NCALD: variants seen among roughly 807,000 people sequenced by gnomAD.
NCALD encodes the protein neurocalcin-delta.
Under a neutral mutation model 18.6 loss-of-function variants are expected in NCALD, and 10 were observed. That is an observed-to-expected ratio of 0.54 (90% confidence interval 0.33 to 0.91). NCALD has a LOEUF of 0.91. NCALD is among the 40% of genes least tolerant of loss of function. NCALD has a pLI of 0.03. For missense variants in NCALD, 184 were observed against 247.6 expected, an observed-to-expected ratio of 0.74 and a Z score of 1.72; for synonymous variants, 88 against 87.4, an observed-to-expected ratio of 1.01 and a Z score of -0.04.
At chr8:101,950,060 A>C (rs1311482867) in intron 2 of NCALD, among the ~76,000 whole-genome samples, 1 of 152,224 alleles carries the variant, frequency 6.6e-6, no homozygotes, top group Non-Finnish European at 1.5e-5. Context: ...ACGTCAAGAA[A>C]GAGCCAGGTT....
At chr8:101,998,874 A>T (rs1236198975) in intron 2 of NCALD, among the ~76,000 whole-genome samples, 2 of 152,174 alleles carry the variant, frequency 1.3e-5, no homozygotes, top group Non-Finnish European at 2.9e-5. Flanking sequence ...ATGATGAGCA[A>T]ACACAAAAGA....
At chr8:102,082,532 C>G (rs1245575196) in intron 1 of NCALD, among the ~76,000 whole-genome samples, 1 of 152,142 alleles carries the variant, frequency 6.6e-6, no homozygotes, top group Non-Finnish European at 1.5e-5. Flanking sequence ...CCGGCCACCT[C>G]CAACTCCCAT....
At chr8:101,855,826 C>G (rs1563830502) in intron 4 of NCALD, among the ~76,000 whole-genome samples, 1 of 152,172 alleles carries the variant, frequency 6.6e-6, no homozygotes. Context: ...ACAGTGGTGT[C>G]TTAGAAGCTC....
intron 2 of NCALD, among the ~76,000 whole-genome samples, chr8:101,980,523 G>A (rs188385973): frequency 1.3e-5 from 2 of 152,166 alleles, no homozygotes; most frequent in African/African-American, 4.8e-5. Flanking sequence ...GAACAAGAAG[G>A]CAAAGTATCT....
At chr8:101,800,030 G>T (rs781741934) in intron 4 of NCALD, among the ~76,000 whole-genome samples, 1 of 152,060 alleles carries the variant, frequency 6.6e-6, no homozygotes, top group Non-Finnish European at 1.5e-5. Context: ...ATGAAGGTGA[G>T]ATAAAATATT....
chr8:101,819,275 AT>A lies in NCALD; in HGVS notation c.-20+67865del, dbSNP rs1270094264. ...TATAAATACATAACTTTATTTATTT[AT>A]TTATTTATTTATTTATTTATTTATT... On this transcript the variant is annotated intron_variant, in intron 4 of 6. Transcript: ENST00000311028. 1.8e-4 allele frequency among the ~76,000 whole-genome samples: 26 copies of A among 147,748 alleles called. 1 individual carries two copies. The East Asian group carries it at 4.5e-3, about 26-fold the overall frequency.
chr8:101,734,961 GACGTAGAACA>G (rs1343961465), intron 1 of NCALD, among the ~76,000 whole-genome samples: 2 of 152,156 alleles, frequency 1.3e-5, no homozygotes, highest in African/African-American at 4.8e-5. Flanking sequence ...GATAAAAGAG[GACGTAGAACA>G]ACTGTTGCAG....
intron 1 of NCALD, among the ~76,000 whole-genome samples, chr8:102,091,439 TCTGA>T (rs1005930728): frequency 6.6e-6 from 1 of 152,234 alleles, no homozygotes; most frequent in Non-Finnish European, 1.5e-5. Flanking sequence ...ACCAATGATC[TCTGA>T]CTGCTGCTCA....
chr8:101,954,761 A>G (rs143329341), intron 2 of NCALD, among the ~76,000 whole-genome samples: 1 of 152,350 alleles, frequency 6.6e-6, no homozygotes, highest in African/African-American at 2.4e-5. Context: ...AGACTAGTAG[A>G]CTATAACTTA....
At chr8:102,107,195 C>CATTATATAT in intron 1 of NCALD, among the ~76,000 whole-genome samples, 1 of 89,304 alleles carries the variant, frequency 1.1e-5, no homozygotes, top group East Asian at 3.4e-4. Flanking sequence ...TATGTGTGTA[C>CATTATATAT]ATATATATAT....
intron 2 of NCALD, chr8:101,986,418 C>G (rs1820814499): frequency 6.6e-6 from 1 of 152,268 alleles, no homozygotes; most frequent in Admixed American, 6.5e-5. Flanking sequence ...CTATTCCCAC[C>G]TATAAGCTCT....
At chr8:101,891,411 A>C (rs1474837746) in intron 3 of NCALD, among the ~76,000 whole-genome samples, 1 of 152,220 alleles carries the variant, frequency 6.6e-6, no homozygotes, top group Non-Finnish European at 1.5e-5. Flanking sequence ...ATGTCCTTTA[A>C]ATTCATCTAA....
intron 1 of NCALD, chr8:101,779,873 T>C (rs560998337): frequency 6.6e-6 from 1 of 152,272 alleles, no homozygotes; most frequent in East Asian, 1.9e-4. Flanking sequence ...TCTTAAAGTT[T>C]GATCTTTAAT....
intron 2 of NCALD, among the ~76,000 whole-genome samples, chr8:101,973,848 C>T (rs946435983): frequency 1.3e-5 from 2 of 152,194 alleles, no homozygotes; most frequent in African/African-American, 2.4e-5. Flanking sequence ...AATTCTTCTG[C>T]ACTTCACGTA....
At chr8:101,974,275 A>G (rs1820342523) in intron 2 of NCALD, among the ~76,000 whole-genome samples, 1 of 152,212 alleles carries the variant, frequency 6.6e-6, no homozygotes, top group Non-Finnish European at 1.5e-5. Context: ...ATAAAAGCAT[A>G]TTTGGAAGAC....
chr8:101,857,188 T>G (rs574444281), intron 4 of NCALD, among the ~76,000 whole-genome samples: 1 of 152,336 alleles, frequency 6.6e-6, no homozygotes. Context: ...GCTTCAGATT[T>G]TAACTTTCAC....
chr8:102,045,427 C>T lies in NCALD; in HGVS notation c.-209-25138G>A, dbSNP rs7817325. On this transcript the variant is annotated intron_variant, in intron 1 of 6. Transcript: ENST00000311028. ...TGCTTATGAAAATGAAATTAGAAAA[C>T]GCTTACATTTTATTCTTTATTACAT... Among the ~76,000 whole-genome samples, 1,497 of 152,226 alleles carry T rather than the reference C, an allele frequency of 9.8e-3. 28 individuals carry two copies. Among genetic ancestry groups the T allele is most frequent in the African/African-American group, 0.033 (1,373 of 41,506 alleles).
At chr8:101,948,428 A>ATG (rs2131796871) in intron 2 of NCALD, among the ~76,000 whole-genome samples, 1 of 152,270 alleles carries the variant, frequency 6.6e-6, no homozygotes, top group East Asian at 1.9e-4. Context: ...TCAGGAGTAA[A>ATG]ACTTTAGATA....
chr8:101,899,055 T>C (rs1170269157), intron 3 of NCALD, among the ~76,000 whole-genome samples: 4 of 152,038 alleles, frequency 2.6e-5, no homozygotes, highest in African/African-American at 7.2e-5. Context: ...GTAGATACTC[T>C]TTGATTACTT....
Sources: gnomAD v4.1 joint callset for allele counts (sites outside exome capture counted in the v4.1 genomes callset) on GRCh38, gnomAD v4.1.1 for gene constraint, MANE v1.5 for transcripts, NCBI Gene and HGNC (gene_info 2026-07-23, HGNC 2026-07-21) for gene names.